PTPRD: variants seen among roughly 807,000 people sequenced by gnomAD.
PTPRD encodes receptor-type tyrosine-protein phosphatase delta.
PTPRD carries 34 observed loss-of-function variants against 214.5 expected under a neutral mutation model. The ratio of observed to expected loss-of-function variants is 0.16; its 90% CI spans 0.12 to 0.21. The LOEUF (loss-of-function observed/expected upper bound fraction) is 0.21, where lower values mean the gene tolerates loss of function less well. PTPRD is among the 10% of genes least tolerant of loss of function. The probability of loss-of-function intolerance (pLI) is 1.00; values close to 1 mark genes in which losing one functional copy is unlikely to be tolerated. For missense variants in PTPRD, 2,545 were observed against 2,398.7 expected, an observed-to-expected ratio of 1.06 and a Z score of -1.27; for synonymous variants, 1,128 against 845.7, an observed-to-expected ratio of 1.33 and a Z score of -5.79.
intron 2 of PTPRD, among the ~76,000 whole-genome samples, chr9:10,368,178 G>T (rs1162172853): frequency 6.6e-6 from 1 of 152,044 alleles, no homozygotes; most frequent in Non-Finnish European, 1.5e-5. Flanking sequence ...AGACAAAAAT[G>T]ATGAGTTTTC....
chr9:8,735,149 TCTG>T (rs1565662467), intron 11 of PTPRD, among the ~76,000 whole-genome samples: 17 of 138,764 alleles, frequency 1.2e-4, no homozygotes, highest in South Asian at 2.3e-4. Flanking sequence ...TTTTTTTTTT[TCTG>T]TTTTTTTTTT....
chr9:10,545,650 T>A (rs982683814), intron 2 of PTPRD, among the ~76,000 whole-genome samples: 1 of 152,092 alleles, frequency 6.6e-6, no homozygotes, highest in African/African-American at 2.4e-5. Context: ...CTTGCACAAA[T>A]TAGTGTAAAG....
At chr9:8,502,033 A>C (rs1420922725) in intron 23 of PTPRD, among the ~76,000 whole-genome samples, 1 of 152,178 alleles carries the variant, frequency 6.6e-6, no homozygotes, top group African/African-American at 2.4e-5. Context: ...CATTTTGTAC[A>C]TAATTATTCA....
chr9:8,512,031 T>G (rs2097693025), intron 21 of PTPRD, among the ~76,000 whole-genome samples: 1 of 152,118 alleles, frequency 6.6e-6, no homozygotes, highest in Non-Finnish European at 1.5e-5. Flanking sequence ...GGTTGACACA[T>G]ATTGCACTGC....
At chr9:9,928,744 ATC>A (rs202188021) in intron 5 of PTPRD, among the ~76,000 whole-genome samples, 10,075 of 137,740 alleles carry the variant, frequency 0.073, 670 homozygotes, top group East Asian at 0.22. Flanking sequence ...AGTAGCAGTC[ATC>A]TCTCTCTCTA....
At chr9:9,589,829 G>A (rs2092527147) in intron 7 of PTPRD, among the ~76,000 whole-genome samples, 2 of 152,120 alleles carry the variant, frequency 1.3e-5, no homozygotes, top group South Asian at 4.1e-4. Context: ...GTTGTCATTA[G>A]TAGATGTTTG....
At chr9:10,167,318 T>C (rs982439229) in intron 3 of PTPRD, among the ~76,000 whole-genome samples, 2 of 152,048 alleles carry the variant, frequency 1.3e-5, no homozygotes, top group African/African-American at 4.8e-5. Flanking sequence ...TTTGGGCTCA[T>C]GCGTGCACGT....
chr9:9,459,649 G>A (rs1326019943), intron 8 of PTPRD, among the ~76,000 whole-genome samples: 1 of 151,996 alleles, frequency 6.6e-6, no homozygotes, highest in Non-Finnish European at 1.5e-5. Flanking sequence ...AAAGGTGAAA[G>A]ACCTCTACAA....
chr9:8,432,081 T>TA (rs2095093745), intron 35 of PTPRD, among the ~76,000 whole-genome samples: 1 of 152,218 alleles, frequency 6.6e-6, no homozygotes, highest in Non-Finnish European at 1.5e-5. Context: ...AAATGATCTG[T>TA]AGGCGCCAGC....
intron 10 of PTPRD, among the ~76,000 whole-genome samples, chr9:9,083,214 A>C (rs1050061958): frequency 7.9e-5 from 12 of 152,126 alleles, no homozygotes; most frequent in Non-Finnish European, 1.5e-4. Context: ...ATATAGAACA[A>C]TGGAACAGAA....
chr9:9,224,468 C>T (rs555993133), intron 9 of PTPRD, among the ~76,000 whole-genome samples: 1 of 151,984 alleles, frequency 6.6e-6, no homozygotes, highest in South Asian at 2.1e-4. Flanking sequence ...TTAAGTATGG[C>T]TTTCATTTAT....
intron 14 of PTPRD, among the ~76,000 whole-genome samples, chr9:8,611,301 G>C (rs548629832): frequency 5.9e-5 from 9 of 152,256 alleles, no homozygotes; most frequent in African/African-American, 2.2e-4. Flanking sequence ...AATATTGGTA[G>C]GACTTGCCAG....
At chr9:10,178,944 G>A (rs923019065) in intron 3 of PTPRD, among the ~76,000 whole-genome samples, 1 of 151,748 alleles carries the variant, frequency 6.6e-6, no homozygotes, top group Non-Finnish European at 1.5e-5. Context: ...TACAGGTGAG[G>A]AAATACAGGA....
intron 9 of PTPRD, among the ~76,000 whole-genome samples, chr9:9,357,945 A>G (rs2138786621): frequency 6.6e-6 from 1 of 151,332 alleles, no homozygotes; most frequent in South Asian, 2.1e-4. Context: ...AATGCTTTAG[A>G]ATTTGCACTT....
At chr9:10,132,144 C>T (rs1378461725) in intron 3 of PTPRD, among the ~76,000 whole-genome samples, 3 of 151,922 alleles carry the variant, frequency 2.0e-5, no homozygotes, top group Non-Finnish European at 4.4e-5. Context: ...ATTCTTAAGA[C>T]ATTGGGTAAT....
chr9:9,871,612 C>T (rs933115807), intron 5 of PTPRD, among the ~76,000 whole-genome samples: 1 of 149,940 alleles, frequency 6.7e-6, no homozygotes, highest in Non-Finnish European at 1.5e-5. Context: ...AGGAGAAGTG[C>T]AGGGGCAGAG....
At chr9:10,075,951 A>G (rs2098125936) in intron 3 of PTPRD, among the ~76,000 whole-genome samples, 1 of 152,108 alleles carries the variant, frequency 6.6e-6, no homozygotes, top group African/African-American at 2.4e-5. Context: ...TTTTCTTTCC[A>G]TGGAGTAGCA....
At chr9:9,921,374 TC>T (rs2082493183) in intron 5 of PTPRD, among the ~76,000 whole-genome samples, 1 of 152,036 alleles carries the variant, frequency 6.6e-6, no homozygotes, top group African/African-American at 2.4e-5. Flanking sequence ...TAAGAATGTG[TC>T]CTTAATTCAT....
chr9:9,717,083 C>T (rs888614742), intron 7 of PTPRD, among the ~76,000 whole-genome samples: 3 of 152,014 alleles, frequency 2.0e-5, no homozygotes, highest in Non-Finnish European at 4.4e-5. Flanking sequence ...AGCCAGTTTT[C>T]CCAGCACCAT....
Sources: allele counts gnomAD v4.1 joint callset (sites outside exome capture counted in the v4.1 genomes callset), GRCh38; gene constraint gnomAD v4.1.1; transcripts MANE v1.5; gene names NCBI Gene and HGNC (gene_info 2026-07-23, HGNC 2026-07-21).